The following RBM6 variants were observed in gnomAD, a reference collection of about 807,000 sequenced individuals.
The protein encoded by RBM6 is RNA-binding protein 6.
In RBM6, 23 loss-of-function variants were observed where a neutral mutation model predicts 140.4. The observed-to-expected ratio is 0.16, with a 90% CI of 0.12 to 0.23. The LOEUF is 0.23. RBM6 is among the 10% of genes least tolerant of loss of function. The probability of loss-of-function intolerance (pLI) is 1.00; values close to 1 mark genes in which losing one functional copy is unlikely to be tolerated. For missense variants in RBM6, 1,139 were observed against 1,386.7 expected, an observed-to-expected ratio of 0.82 and a Z score of 2.84; for synonymous variants, 439 against 475.6, an observed-to-expected ratio of 0.92 and a Z score of 1.00.
At chr3:50,076,412 TC>T (rs1410300073) in intron 20 of RBM6, among the ~76,000 whole-genome samples, 4 of 149,494 alleles carry the variant, frequency 2.7e-5, no homozygotes, top group Admixed American at 2.0e-4. Flanking sequence ...GAAACCCCTG[TC>T]TCTACTAAAA....
intron 1 of RBM6, among the ~76,000 whole-genome samples, chr3:49,952,110 G>A (rs941919277): frequency 1.3e-5 from 2 of 151,254 alleles, no homozygotes; most frequent in Admixed American, 1.3e-4. Flanking sequence ...TCTTGGCTTA[G>A]TACAACCTCT....
chr3:49,975,307 T>C lies in RBM6; in HGVS notation c.1414-16T>C. On this transcript the variant is annotated splice_polypyrimidine_tract_variant and intron_variant, in intron 4 of 20. Coordinates refer to ENST00000266022, the MANE Select transcript of RBM6 (RefSeq NM_005777.3). ...TTATGATTTGTATCATTTGTATAAATGCCATATTTTTGCAGATTCTTAATG... is the reference window on the plus strand; with the variant it reads ...TTATGATTTGTATCATTTGTATAAACGCCATATTTTTGCAGATTCTTAATG... 1 of 1,590,322 alleles carries C rather than the reference T, an allele frequency of 6.3e-7. No homozygotes were observed. Among genetic ancestry groups the C allele is most frequent in the Non-Finnish European group, 8.6e-7 (1 of 1,158,444 alleles).
At chr3:49,985,422 C>T (rs1299616389) in intron 5 of RBM6, among the ~76,000 whole-genome samples, 3 of 152,146 alleles carry the variant, frequency 2.0e-5, no homozygotes, top group African/African-American at 7.2e-5. Context: ...AGGTTACATT[C>T]TCTACCCTTG....
At chr3:50,057,636 C>G (rs1423337175) in intron 8 of RBM6, 92 bp from the exon 9 acceptor site, 4 of 1,001,852 alleles carry the variant, frequency 4.0e-6, no homozygotes, top group African/African-American at 3.3e-5. Flanking sequence ...TATTTGCTGG[C>G]AGGTAAGGAG....
intron 5 of RBM6, among the ~76,000 whole-genome samples, chr3:49,978,113 G>T (rs1429485513): frequency 1.3e-5 from 2 of 152,052 alleles, no homozygotes; most frequent in Non-Finnish European, 2.9e-5. Context: ...TGATCCTTCT[G>T]TCTCAACCTC....
intron 6 of RBM6, among the ~76,000 whole-genome samples, chr3:50,028,522 T>G (rs966089400): frequency 6.6e-6 from 1 of 152,208 alleles, no homozygotes; most frequent in Non-Finnish European, 1.5e-5. Flanking sequence ...TGGCTCTTCC[T>G]GTGTACTTGG....
chr3:49,945,091 A>G (rs1020269498), intron 1 of RBM6, among the ~76,000 whole-genome samples: 14 of 150,152 alleles, frequency 9.3e-5, no homozygotes, highest in Non-Finnish European at 1.9e-4. Flanking sequence ...TAGCCAGGAT[A>G]GTCTCCATCT....
At position 50,048,263 on chromosome 3, in the gene RBM6, G is replaced by T. The variant is rs750635523; in HGVS notation, c.1576G>T (p.Asp526Tyr). 5 of 1,613,242 alleles carry T rather than the reference G, an allele frequency of 3.1e-6. No individual in the cohort carries two copies. Among genetic ancestry groups the T allele is most frequent in the African/African-American group, 2.7e-5 (2 of 74,914 alleles). The part of the protein sequence containing the change: ...EANQGTLMIQ[D>Y]KEVTLEYVSS... Reference sequence around the variant, plus strand: ...TTTACAGGGAACTCTAATGATCCAGGACAAAGAAGTTACCCTGGAGTATGT... The same window carrying T: ...TTTACAGGGAACTCTAATGATCCAGTACAAAGAAGTTACCCTGGAGTATGT... The change falls in exon 7 of 21, where the codon GAC becomes TAC. Residue 526 changes from aspartate to tyrosine, a missense_variant. Around this residue, in one of 9 missense-constraint regions of RBM6, gnomAD observed 58 missense variants for 99.7 expected, o/e 0.58. Transcript: ENST00000266022.
intron 6 of RBM6, among the ~76,000 whole-genome samples, chr3:50,022,573 GC>G (rs1447568890): frequency 1.3e-5 from 2 of 152,064 alleles, no homozygotes; most frequent in Non-Finnish European, 2.9e-5. Context: ...TAGGTGATCT[GC>G]CTACTTTGGC....
At chr3:50,075,001 T>A (rs2090414723) in intron 19 of RBM6, among the ~76,000 whole-genome samples, 200 bp from the exon 20 acceptor site, 1 of 150,474 alleles carries the variant, frequency 6.6e-6, no homozygotes, top group South Asian at 2.1e-4. Context: ...AAAAAAAAAT[T>A]AAAAATTAGC....
chr3:49,985,897 T>C lies in RBM6; in HGVS notation c.1483+10505T>C, dbSNP rs1447880285. Among the ~76,000 whole-genome samples the C allele has an allele frequency of 2.6e-5, 4 of 152,158 alleles. No individual in the cohort carries two copies. The East Asian group carries it at 5.8e-4, about 22-fold the overall frequency. On this transcript the variant is annotated intron_variant, in intron 5 of 20. Transcript: ENST00000266022. The stretch of plus-strand genomic sequence containing the variant: ...CTGGGTTTACAGGCGTGAGCCACCA[T>C]GCCTGGCCTTAAGAATGAGTTGATT...
In RBM6 at chr3:49,968,396, G is replaced by C; in HGVS notation, c.971G>C (p.Arg324Thr). The C allele has an allele frequency of 1.9e-6, 3 of 1,614,164 alleles. No homozygotes were observed. Among genetic ancestry groups the C allele is most frequent in the Non-Finnish European group, 2.5e-6 (3 of 1,180,042 alleles). The change falls in exon 3 of 21, where the codon AGG becomes ACG. Residue 324 changes from arginine (R) to threonine (T), a missense_variant. Coordinates refer to ENST00000266022, the MANE Select transcript of RBM6 (RefSeq NM_005777.3). Reference protein sequence around the residue: ...EESTHDHTIERPAFGIQKGEF... With the variant: ...EESTHDHTIETPAFGIQKGEF... Reference sequence around the variant, plus strand: ...TCCACACATGACCATACGATAGAAAGGCCTGCTTTTGGCATTCAGAAGGGA... The same window carrying C: ...TCCACACATGACCATACGATAGAAACGCCTGCTTTTGGCATTCAGAAGGGA...
chr3:50,059,584 G>T lies in RBM6; in HGVS notation c.2131-65G>T, dbSNP rs551292086. On this transcript the variant is annotated intron_variant, in intron 10 of 20. Transcript: ENST00000266022. ...CCACGTTCACTTCTCTTTCAAAGGA[G>T]AATTTTTCTGTCTTTGGGTTCTGGC... 3.6e-5 allele frequency: 48 copies of T among 1,333,588 alleles called. No individual in the cohort carries two copies. The African/African-American group carries it at 6.1e-4, about 17-fold the overall frequency. 82.6% of individuals were successfully genotyped at this position (1,333,588 alleles called of 1,614,324 possible). A position where few individuals can be genotyped will look rare whatever the true frequency, so the allele number is the denominator to read the frequency against.
chr3:49,971,881 A>T (rs549535435), intron 3 of RBM6, among the ~76,000 whole-genome samples, 178 bp from the exon 4 acceptor site: 1 of 152,160 alleles, frequency 6.6e-6, no homozygotes, highest in Non-Finnish European at 1.5e-5. Flanking sequence ...GCACATTTAC[A>T]TTCTTATGAT....
At chr3:49,941,909 A>T (rs1402577665) in intron 1 of RBM6, among the ~76,000 whole-genome samples, 1 of 149,522 alleles carries the variant, frequency 6.7e-6, no homozygotes, top group African/African-American at 2.5e-5. Context: ...CCTGGGCAAC[A>T]TCGCAAAACC....
chr3:50,045,573 G>C (rs1201839473), intron 6 of RBM6, among the ~76,000 whole-genome samples: 2 of 152,170 alleles, frequency 1.3e-5, no homozygotes, highest in East Asian at 1.9e-4. Flanking sequence ...CTGTCGTAAA[G>C]ATACAGTTTC....
At position 49,989,517 on chromosome 3, in the gene RBM6, G is replaced by C. The variant is rs534300030; in HGVS notation, c.1484-9923G>C. On this transcript the variant is annotated intron_variant, in intron 5 of 20. Transcript: ENST00000266022. ...TTGAACCCGGAAGGTGGAGGTTGCA[G>C]CTGAGATTGTGCCATTGCACTCTAG... Among the ~76,000 whole-genome samples the C allele has an allele frequency of 4.6e-5, 7 of 152,254 alleles. No homozygotes were observed. In the South Asian group the frequency reaches 1.4e-3, roughly 32 times the overall value.
At chr3:50,023,086 G>A (rs2087595911) in intron 6 of RBM6, among the ~76,000 whole-genome samples, 1 of 152,112 alleles carries the variant, frequency 6.6e-6, no homozygotes, top group Non-Finnish European at 1.5e-5. Context: ...GGGTGACAGA[G>A]CGAGACCCTG....
At chr3:50,018,913 GAA>G (rs1464775997) in intron 6 of RBM6, among the ~76,000 whole-genome samples, 2 of 152,170 alleles carry the variant, frequency 1.3e-5, no homozygotes, top group Non-Finnish European at 2.9e-5. Context: ...AATTTTGTAA[GAA>G]ACTGTCAAAC....
Sources: gnomAD v4.1 joint callset for allele counts (sites outside exome capture counted in the v4.1 genomes callset) on GRCh38, gnomAD v4.1.1 for gene constraint, gnomAD v4.1.1 regional missense constraint, MANE v1.5 for transcripts, NCBI Gene and HGNC (gene_info 2026-07-23, HGNC 2026-07-21) for gene names.